The following CADM2 variants were observed in gnomAD, a reference collection of about 807,000 sequenced individuals.
The protein encoded by CADM2 is cell adhesion molecule 2.
Under a neutral mutation model 49.8 loss-of-function variants are expected in CADM2, and 12 were observed. The ratio of observed to expected loss-of-function variants is 0.24; its 90% CI spans 0.15 to 0.39. CADM2 has a LOEUF of 0.39. Ranked by LOEUF, CADM2 falls within the 10% of genes least tolerant of loss-of-function variation. CADM2 has a pLI of 1.00. For missense variants in CADM2, 378 were observed against 492.3 expected (o/e 0.77, Z 2.20); for synonymous variants, 214 against 175.4 (o/e 1.22, Z -1.74).
intron 1 of CADM2, among the ~76,000 whole-genome samples, chr3:85,563,376 A>T (rs1027546322): frequency 7.6e-5 from 11 of 143,976 alleles, no homozygotes; most frequent in African/African-American, 2.7e-4. Flanking sequence ...AAATGATTCT[A>T]CGTATTGCAA....
At chr3:85,175,531 C>T (rs927050036) in intron 1 of CADM2, among the ~76,000 whole-genome samples, 4 of 152,116 alleles carry the variant, frequency 2.6e-5, no homozygotes, top group South Asian at 2.1e-4. Context: ...TCCTCTTGCA[C>T]GATGTTCCTA....
chr3:85,107,096 G>A (rs186884004), intron 1 of CADM2, among the ~76,000 whole-genome samples: 8 of 152,082 alleles, frequency 5.3e-5, no homozygotes, highest in Middle Eastern at 3.2e-3. Flanking sequence ...ACCATCTATC[G>A]CTGTCCCATT....
chr3:85,121,762 C>A (rs1478200839), intron 1 of CADM2, among the ~76,000 whole-genome samples: 1 of 152,110 alleles, frequency 6.6e-6, no homozygotes, highest in African/African-American at 2.4e-5. Flanking sequence ...ACTTCCCTAA[C>A]TACAGTAGTC....
chr3:85,564,103 C>A (rs1478369563), intron 1 of CADM2, among the ~76,000 whole-genome samples: 1 of 151,352 alleles, frequency 6.6e-6, no homozygotes, highest in Admixed American at 6.6e-5. Context: ...TAGCTTGGTT[C>A]TAAAAATTTA....
At chr3:85,746,824 G>C (rs1311415167) in intron 2 of CADM2, among the ~76,000 whole-genome samples, 2 of 152,176 alleles carry the variant, frequency 1.3e-5, no homozygotes, top group African/African-American at 4.8e-5. Context: ...CATGTTGTCA[G>C]AGATAGATGT....
intron 1 of CADM2, among the ~76,000 whole-genome samples, chr3:85,460,363 T>A (rs993144608): frequency 1.5e-4 from 23 of 152,134 alleles, no homozygotes; most frequent in East Asian, 7.7e-4. Flanking sequence ...TAAAAAAAAA[T>A]TTTCAGCTTA....
intron 8 of CADM2, among the ~76,000 whole-genome samples, chr3:85,967,972 G>C (rs1444245537): frequency 6.6e-6 from 1 of 151,542 alleles, no homozygotes; most frequent in African/African-American, 2.4e-5. Context: ...CTGTGTACTC[G>C]TAATGAGCAT....
At chr3:85,217,345 C>T (rs1345855165) in intron 1 of CADM2, among the ~76,000 whole-genome samples, 1 of 151,700 alleles carries the variant, frequency 6.6e-6, no homozygotes, top group Non-Finnish European at 1.5e-5. Flanking sequence ...AGAAAAATAT[C>T]ATAAAATGTA....
chr3:85,760,852 T>C (rs2107900327), intron 2 of CADM2, among the ~76,000 whole-genome samples: 1 of 152,290 alleles, frequency 6.6e-6, no homozygotes, highest in Middle Eastern at 3.4e-3. Flanking sequence ...TTTAAAATAT[T>C]GTTTGAAAAA....
At chr3:85,618,404 A>T (rs1295699448) in intron 1 of CADM2, among the ~76,000 whole-genome samples, 1 of 152,182 alleles carries the variant, frequency 6.6e-6, no homozygotes. Context: ...GAGTCATTAA[A>T]GTAAGTAACG....
In CADM2 at chr3:85,122,325, C is replaced by A. The variant is rs1216442204; in HGVS notation, c.61+162657C>A. Among the ~76,000 whole-genome samples, 6 of 152,108 alleles carry A rather than the reference C, an allele frequency of 3.9e-5. No individual in the cohort carries two copies. In the South Asian group the frequency reaches 6.2e-4, roughly 16 times the overall value. On this transcript the variant is annotated intron_variant, in intron 1 of 9. Transcript: ENST00000383699. ...GAAGTTCATCAGTGACTCAATATTG[C>A]CAAATCCAGTGAGAATATTCACTCA...
At chr3:85,613,363 T>C (rs1305157338) in intron 1 of CADM2, among the ~76,000 whole-genome samples, 2 of 151,708 alleles carry the variant, frequency 1.3e-5, no homozygotes, top group Non-Finnish European at 1.5e-5. Flanking sequence ...AAATTGGAAT[T>C]GCATTACATT....
chr3:85,987,446 T>C (rs1266876778), intron 8 of CADM2, among the ~76,000 whole-genome samples: 2 of 151,484 alleles, frequency 1.3e-5, no homozygotes, highest in African/African-American at 2.4e-5. Context: ...GTGTCTTAAT[T>C]GATTTTATAG....
Position 85,221,120 on chromosome 3 carries a change from A to G in CADM2, c.61+261452A>G, listed in dbSNP as rs187042244. Among the ~76,000 whole-genome samples the G allele has an allele frequency of 2.6e-5, 4 of 152,274 alleles. No homozygotes were observed. The East Asian group carries it at 7.7e-4, about 29-fold the overall frequency. On this transcript the variant is annotated intron_variant, in intron 1 of 9. Transcript: ENST00000383699. ...GTGTTCTATGAATTTAAAACCTGAA[A>G]TACTTCCTCGTTATAAACGATACAC... is the stretch of plus-strand genomic sequence containing the variant.
chr3:85,885,511 G>A (rs1379683883), intron 4 of CADM2, among the ~76,000 whole-genome samples: 4 of 151,816 alleles, frequency 2.6e-5, no homozygotes, highest in East Asian at 3.9e-4. Flanking sequence ...CCACCTCCCC[G>A]TATCTACTAA....
intron 3 of CADM2, among the ~76,000 whole-genome samples, chr3:85,858,016 C>G (rs962431676): frequency 6.6e-6 from 1 of 152,054 alleles, no homozygotes; most frequent in African/African-American, 2.4e-5. Flanking sequence ...ACTTTCAGTC[C>G]TAATCATTTT....
chr3:85,590,982 A>G (rs1179186724), intron 1 of CADM2, among the ~76,000 whole-genome samples: 5 of 148,806 alleles, frequency 3.4e-5, no homozygotes, highest in Admixed American at 6.8e-5. Context: ...GGTATTTTGT[A>G]GTGCTTAAGC....
chr3:85,275,672 A>G (rs991149369), intron 1 of CADM2, among the ~76,000 whole-genome samples: 5 of 151,266 alleles, frequency 3.3e-5, no homozygotes, highest in African/African-American at 7.3e-5. Context: ...ATTTTACAAA[A>G]TGTTCTCTTT....
intron 7 of CADM2, among the ~76,000 whole-genome samples, chr3:85,946,850 A>G (rs1351490944): frequency 6.6e-6 from 1 of 152,194 alleles, no homozygotes; most frequent in African/African-American, 2.4e-5. Flanking sequence ...ACCCTAGAAG[A>G]AAACCTAGGC....
Sources: gnomAD v4.1 joint callset for allele counts (sites outside exome capture counted in the v4.1 genomes callset) on GRCh38, gnomAD v4.1.1 for gene constraint, MANE v1.5 for transcripts, NCBI Gene and HGNC (gene_info 2026-07-23, HGNC 2026-07-21) for gene names.